ACOXL: variants seen among roughly 807,000 people sequenced by gnomAD.
ACOXL encodes the protein acyl-coenzyme A oxidase-like protein.
ACOXL carries 70 observed loss-of-function variants against 71.9 expected under a neutral mutation model. The ratio of observed to expected loss-of-function variants is 0.97; its 90% CI spans 0.80 to 1.19. The LOEUF is 1.19. Ranked by LOEUF, ACOXL falls within the 50% of genes most tolerant of loss-of-function variation. The pLI, the probability that ACOXL is intolerant of heterozygous loss-of-function variation, is 0.00. For synonymous variants in ACOXL, 253 were observed against 281.6 expected, an observed-to-expected ratio of 0.90 and a Z score of 1.02; for missense variants, 703 against 736.3, an observed-to-expected ratio of 0.95 and a Z score of 0.52.
chr2:111,043,791 G>A (rs984687032), intron 15 of ACOXL, among the ~76,000 whole-genome samples: 6 of 152,214 alleles, frequency 3.9e-5, no homozygotes, highest in Non-Finnish European at 8.8e-5. Flanking sequence ...GCTGTCCATG[G>A]AGGGGTAGGT....
rs2062039416 is a variant in ACOXL at position 110,968,639 on chromosome 2, AT to A, written c.1060-18468del. ...AAAGAAGAGGTGGAACTGTCCCAAA[AT>A]GTCCATTGCCCAGAAGAAAGATCAG... On this transcript the variant is annotated intron_variant, in intron 12 of 17. Coordinates refer to ENST00000439055, the MANE Select transcript of ACOXL (RefSeq NM_001142807.4). 4.3e-6 allele frequency: 4 copies of A among 934,594 alleles called. No homozygotes were observed. The East Asian group carries it at 9.7e-5, about 23-fold the overall frequency. 57.9% of individuals were successfully genotyped at this position (934,594 alleles called of 1,614,324 possible). A position where few individuals can be genotyped will look rare whatever the true frequency, so the allele number is the denominator to read the frequency against.
chr2:110,850,739 A>G (rs1206610036), intron 10 of ACOXL, among the ~76,000 whole-genome samples: 1 of 152,206 alleles, frequency 6.6e-6, no homozygotes, highest in African/African-American at 2.4e-5. Context: ...TGGTACGGCC[A>G]CTTTGGAAAA....
chr2:110,920,224 C>T (rs1477151415), intron 11 of ACOXL, among the ~76,000 whole-genome samples: 1 of 152,154 alleles, frequency 6.6e-6, no homozygotes, highest in African/African-American at 2.4e-5. Context: ...CCTTGCCAGC[C>T]ATTGTTATTG....
chr2:111,116,173 G>T (rs548146052), intron 17 of ACOXL, among the ~76,000 whole-genome samples: 5 of 152,328 alleles, frequency 3.3e-5, no homozygotes, highest in African/African-American at 1.2e-4. Flanking sequence ...GGTTAAAGAC[G>T]TTGAGAGTTG....
chr2:111,116,746 A>T (rs146436163), intron 17 of ACOXL, among the ~76,000 whole-genome samples: 260 of 140,688 alleles, frequency 1.8e-3, no homozygotes, highest in African/African-American at 6.7e-3. Context: ...AAGAAAAGAA[A>T]GCCGTCCCTC....
At chr2:110,780,336 A>G (rs1170164766) in intron 2 of ACOXL, among the ~76,000 whole-genome samples, 2 of 152,226 alleles carry the variant, frequency 1.3e-5, no homozygotes, top group African/African-American at 4.8e-5. Context: ...TAGAACTCTC[A>G]TTCATTGTTG....
At chr2:110,875,289 G>C (rs1695769847) in intron 10 of ACOXL, among the ~76,000 whole-genome samples, 1 of 152,234 alleles carries the variant, frequency 6.6e-6, no homozygotes, top group Non-Finnish European at 1.5e-5. Context: ...ACCGTGGAGA[G>C]CATTATTTCA....
chr2:110,815,967 CAGAT>C (rs1481643206), intron 9 of ACOXL, among the ~76,000 whole-genome samples: 1 of 151,998 alleles, frequency 6.6e-6, no homozygotes, highest in African/African-American at 2.4e-5. Flanking sequence ...AGTGAATGGA[CAGAT>C]GGATGATGGG....
chr2:110,734,514 G>A (rs988136516), intron 1 of ACOXL, among the ~76,000 whole-genome samples: 6 of 151,974 alleles, frequency 3.9e-5, no homozygotes, highest in East Asian at 3.8e-4. Flanking sequence ...CAAGCGATCC[G>A]CCTGCCTCGG....
intron 16 of ACOXL, among the ~76,000 whole-genome samples, chr2:111,050,531 T>A (rs2066240336): frequency 6.6e-6 from 1 of 152,236 alleles, no homozygotes; most frequent in Non-Finnish European, 1.5e-5. Flanking sequence ...GGGCCCTGGA[T>A]GCTCACCTCT....
chr2:111,031,831 G>T (rs1451625450), intron 15 of ACOXL, 117 bp downstream of exon 15: 2 of 1,057,146 alleles, frequency 1.9e-6, no homozygotes, highest in East Asian at 4.9e-5. Flanking sequence ...GACAGTCCGT[G>T]TGTTGAATTT....
intron 10 of ACOXL, among the ~76,000 whole-genome samples, chr2:110,899,771 C>A (rs1466576993): frequency 6.6e-6 from 1 of 152,124 alleles, no homozygotes; most frequent in African/African-American, 2.4e-5. Context: ...GTTCTGACGA[C>A]TAACATTAAC....
At chr2:110,889,385 A>G (rs1350907595) in intron 10 of ACOXL, among the ~76,000 whole-genome samples, 2 of 152,244 alleles carry the variant, frequency 1.3e-5, no homozygotes, top group Non-Finnish European at 2.9e-5. Context: ...AAGGTATGCC[A>G]TATGATGGCT....
intron 17 of ACOXL, among the ~76,000 whole-genome samples, chr2:111,110,950 TTATTG>T (rs1308940866): frequency 3.9e-5 from 6 of 152,220 alleles, no homozygotes; most frequent in African/African-American, 1.4e-4. Flanking sequence ...CTTTGGACTC[TTATTG>T]TATTTTTAGT....
intron 9 of ACOXL, among the ~76,000 whole-genome samples, chr2:110,828,145 G>GT (rs540667870): frequency 2.6e-5 from 4 of 151,924 alleles, no homozygotes; most frequent in Admixed American, 2.0e-4. Flanking sequence ...TAATTTTTGT[G>GT]TTTTTTTGAA....
At chr2:111,105,730 G>T (rs2069494473) in intron 17 of ACOXL, among the ~76,000 whole-genome samples, 1 of 151,932 alleles carries the variant, frequency 6.6e-6, no homozygotes. Flanking sequence ...TCAACTTGTT[G>T]AATCTAGAAG....
At chr2:110,942,964 G>GA (rs201040673) in intron 12 of ACOXL, among the ~76,000 whole-genome samples, 964 of 83,286 alleles carry the variant, frequency 0.012, 14 homozygotes, top group African/African-American at 0.038. Flanking sequence ...AGAAAGAAAA[G>GA]AAAAAAAAAG....
intron 17 of ACOXL, chr2:111,093,405 C>A (rs780748278): frequency 7.1e-5 from 114 of 1,596,468 alleles, no homozygotes; most frequent in Non-Finnish European, 8.5e-5. Flanking sequence ...GTATTCACCA[C>A]GAAAATGCTA....
intron 16 of ACOXL, among the ~76,000 whole-genome samples, chr2:111,090,192 C>T (rs1380215195): frequency 6.6e-6 from 1 of 152,086 alleles, no homozygotes; most frequent in Non-Finnish European, 1.5e-5. Flanking sequence ...CTTTACCAGA[C>T]CCTAGGCATA....
Sources: allele counts gnomAD v4.1 joint callset (sites outside exome capture counted in the v4.1 genomes callset), GRCh38; gene constraint gnomAD v4.1.1; transcripts MANE v1.5; gene names NCBI Gene and HGNC (gene_info 2026-07-23, HGNC 2026-07-21).